Variants in PIK3R3 observed in about 807,000 individuals in gnomAD.
PIK3R3 encodes phosphoinositide-3-kinase regulatory subunit 3.
Under a neutral mutation model 62.9 loss-of-function variants are expected in PIK3R3, and 64 were observed. That is an observed-to-expected ratio of 1.02 (90% CI 0.83 to 1.25). The LOEUF is 1.25. PIK3R3 is among the 50% of genes most tolerant of loss of function. The probability of loss-of-function intolerance (pLI) is 0.00; values close to 1 mark genes in which losing one functional copy is unlikely to be tolerated. For synonymous variants in PIK3R3, 165 were observed against 189.0 expected (o/e 0.87, Z 1.04); for missense variants, 614 against 561.6 (o/e 1.09, Z -0.94).
the PIK3R3 span, among the ~76,000 whole-genome samples, chr1:46,167,935 C>T: frequency 2.0e-5 from 3 of 152,294 alleles, no homozygotes; most frequent in African/African-American, 7.2e-5. Flanking sequence ...GACAGCAGAT[C>T]ACTTGAAATC....
chr1:46,165,452 T>C, the PIK3R3 span, among the ~76,000 whole-genome samples: 511 of 151,682 alleles, frequency 3.4e-3, 8 homozygotes, highest in Admixed American at 0.025. Flanking sequence ...ATTACAGGCA[T>C]GTGCCACCAT....
At chr1:46,070,761 T>C (rs1649408329) in intron 3 of PIK3R3, among the ~76,000 whole-genome samples, 1 of 152,176 alleles carries the variant, frequency 6.6e-6, no homozygotes, top group Non-Finnish European at 1.5e-5. Context: ...TTGTTAAGGA[T>C]ATATTCACAT....
At chr1:46,115,024 G>A (rs1467082911) in intron 1 of PIK3R3, among the ~76,000 whole-genome samples, 3 of 152,066 alleles carry the variant, frequency 2.0e-5, no homozygotes, top group Non-Finnish European at 4.4e-5. Flanking sequence ...GTGATCCTTT[G>A]GAGCACAAGA....
At chr1:46,094,848 G>T (rs1318277123) in intron 1 of PIK3R3, among the ~76,000 whole-genome samples, 1 of 152,170 alleles carries the variant, frequency 6.6e-6, no homozygotes, top group Non-Finnish European at 1.5e-5. Flanking sequence ...TCACAACGTA[G>T]AATTTGGATC....
At chr1:46,072,960 T>C (rs1385376619) in intron 3 of PIK3R3, among the ~76,000 whole-genome samples, 2 of 16,938 alleles carry the variant, frequency 1.2e-4, no homozygotes, top group Non-Finnish European at 3.3e-4. Flanking sequence ...TATAAATAAA[T>C]ATATATATAT....
chr1:46,114,376 C>T (rs1653995255), intron 1 of PIK3R3, among the ~76,000 whole-genome samples: 1 of 152,122 alleles, frequency 6.6e-6, no homozygotes, highest in Admixed American at 6.5e-5. Context: ...TGTTATCTTC[C>T]AAAACATCTT....
At chr1:46,130,277 T>A (rs1465151109) in intron 1 of PIK3R3, among the ~76,000 whole-genome samples, 1 of 152,158 alleles carries the variant, frequency 6.6e-6, no homozygotes, top group African/African-American at 2.4e-5. Flanking sequence ...CTTTTTACAA[T>A]AAAAGTACCA....
In PIK3R3 at chr1:46,061,926, T is replaced by C. The variant is rs766832056; in HGVS notation, c.764+3A>G. The C allele has an allele frequency of 4.9e-5, 79 of 1,612,242 alleles. No homozygotes were observed. The highest frequency in any genetic ancestry group is 5.9e-5 in the Non-Finnish European group (70 of 1,178,538). ...TGCCCTTGGAGGTACTAAGTAGACT[T>C]ACCGTTCAATCTCCTTTTCATTCCC... is the stretch of plus-strand genomic sequence containing the variant. On this transcript the variant is annotated splice_donor_region_variant and intron_variant, in intron 6 of 9. Transcript: ENST00000262741.
At chr1:46,168,166 T>C in the PIK3R3 span, among the ~76,000 whole-genome samples, 1 of 151,986 alleles carries the variant, frequency 6.6e-6, no homozygotes, top group African/African-American at 2.4e-5. Context: ...AATAAATTAA[T>C]TAAATTAAAT....
chr1:46,053,237 T>C (rs1182697426), intron 7 of PIK3R3, among the ~76,000 whole-genome samples: 1 of 152,186 alleles, frequency 6.6e-6, no homozygotes, highest in East Asian at 1.9e-4. Flanking sequence ...TAAACTCTTA[T>C]ATTTGTTGTT....
intron 1 of PIK3R3, among the ~76,000 whole-genome samples, chr1:46,107,815 TCTC>T (rs1453057407): frequency 6.6e-6 from 1 of 152,188 alleles, no homozygotes; most frequent in African/African-American, 2.4e-5. Context: ...ATATTGTTAC[TCTC>T]CTTTGAGTGT....
chr1:46,160,736 A>C, the PIK3R3 span, among the ~76,000 whole-genome samples: 5 of 152,220 alleles, frequency 3.3e-5, no homozygotes, highest in African/African-American at 4.8e-5. Context: ...AAAGGCACTC[A>C]TTGCCCCACT....
chr1:46,076,732 T>C (rs1271689991), intron 3 of PIK3R3, among the ~76,000 whole-genome samples: 1 of 152,196 alleles, frequency 6.6e-6, no homozygotes, highest in Non-Finnish European at 1.5e-5. Context: ...TATGTGACTT[T>C]AGGCAAGTTC....
At chr1:46,059,858 G>C (rs1648307515) in intron 6 of PIK3R3, among the ~76,000 whole-genome samples, 1 of 152,166 alleles carries the variant, frequency 6.6e-6, no homozygotes. Context: ...CCAGCACTTT[G>C]GGAGGCCAAG....
chr1:46,139,279 AC>A, the PIK3R3 span, among the ~76,000 whole-genome samples: 1 of 150,892 alleles, frequency 6.6e-6, no homozygotes, highest in South Asian at 2.1e-4. Context: ...ACTTATGAGA[AC>A]ACTTTTGCTG....
upstream of PIK3R3, among the ~76,000 whole-genome samples, chr1:46,133,831 A>G (rs1228800034): frequency 2.6e-5 from 4 of 151,700 alleles, no homozygotes; most frequent in Non-Finnish European, 4.4e-5. Context: ...AAAGTCTTGG[A>G]ATTACAGTGC....
the PIK3R3 span, among the ~76,000 whole-genome samples, chr1:46,169,743 C>T: frequency 2.0e-5 from 3 of 152,200 alleles, no homozygotes; most frequent in Non-Finnish European, 4.4e-5. Context: ...CTTCAGCTGA[C>T]ATTGCCCCAT....
chr1:46,089,607 C>T (rs756770686), intron 1 of PIK3R3, among the ~76,000 whole-genome samples: 1 of 151,168 alleles, frequency 6.6e-6, no homozygotes, highest in South Asian at 2.1e-4. Flanking sequence ...TCCAGCGACT[C>T]GGGAGGCTGA....
At chr1:46,047,968 A>G (rs1454739569) in intron 7 of PIK3R3, 1 of 152,242 alleles carries the variant, frequency 6.6e-6, no homozygotes, top group Non-Finnish European at 1.5e-5. Context: ...TTTAGTACAG[A>G]CAGGGTTTCA....
Sources: allele counts gnomAD v4.1 joint callset (sites outside exome capture counted in the v4.1 genomes callset), GRCh38; gene constraint gnomAD v4.1.1; transcripts MANE v1.5; gene names NCBI Gene and HGNC (gene_info 2026-07-23, HGNC 2026-07-21).